The following SAMSN1 variants were observed in gnomAD, a reference collection of about 807,000 sequenced individuals.
The protein encoded by SAMSN1 is SAM domain-containing protein SAMSN-1.
Under a neutral mutation model 42.0 loss-of-function variants are expected in SAMSN1, and 31 were observed. That is an observed-to-expected ratio of 0.74 (90% CI 0.55 to 1.00). The LOEUF is 1.00. SAMSN1 is among the 50% of genes least tolerant of loss of function. SAMSN1 has a pLI of 0.00. For missense variants in SAMSN1, 464 were observed against 439.4 expected (o/e 1.06, Z -0.50); for synonymous variants, 178 against 151.9 (o/e 1.17, Z -1.26).
At chr21:14,585,931 A>G (rs540222777), upstream of SAMSN1, among the ~76,000 whole-genome samples, 16 of 152,268 alleles carry the variant, frequency 1.1e-4, no homozygotes, top group Middle Eastern at 6.8e-3. Context: ...TAAAAGGTAT[A>G]GAATCATTAC....
intron 1 of SAMSN1, among the ~76,000 whole-genome samples, chr21:14,652,510 C>T (rs1456249742): frequency 2.6e-5 from 4 of 151,958 alleles, no homozygotes; most frequent in Non-Finnish European, 5.9e-5. Flanking sequence ...AAATTAGGCC[C>T]CCATCTATCA....
At chr21:14,623,755 T>C (rs1223208280) in intron 2 of SAMSN1, among the ~76,000 whole-genome samples, 1 of 152,162 alleles carries the variant, frequency 6.6e-6, no homozygotes, top group African/African-American at 2.4e-5. Flanking sequence ...GGAATTGAAC[T>C]CAGCTCTGCA....
intron 7 of SAMSN1, chr21:14,591,435 C>T (rs1329048801): frequency 6.6e-6 from 1 of 152,136 alleles, no homozygotes; most frequent in Non-Finnish European, 1.5e-5. Context: ...GAAAAATAGT[C>T]ATCTGTTTCT....
At chr21:14,498,620 TAGTC>T in intron 6 of SAMSN1, 28 bp from the exon 7 acceptor site, 1 of 1,517,904 alleles carries the variant, frequency 6.6e-7, no homozygotes, top group Non-Finnish European at 8.8e-7. Context: ...TAAAGCAAAT[TAGTC>T]AGATTCAAAT....
At chr21:14,528,297 C>T (rs1979011654) in intron 1 of SAMSN1, among the ~76,000 whole-genome samples, 2 of 152,018 alleles carry the variant, frequency 1.3e-5, no homozygotes, top group Non-Finnish European at 1.5e-5. Flanking sequence ...AAATAAGTAC[C>T]ACTAAAATAA....
intron 2 of SAMSN1, among the ~76,000 whole-genome samples, chr21:14,553,160 C>A (rs892670645): frequency 6.6e-6 from 1 of 151,786 alleles, no homozygotes; most frequent in African/African-American, 2.4e-5. Flanking sequence ...GGATTTTGTA[C>A]TCTTCTTACT....
intron 2 of SAMSN1, among the ~76,000 whole-genome samples, chr21:14,574,489 G>A (rs1015048239): frequency 6.6e-6 from 1 of 152,152 alleles, no homozygotes; most frequent in East Asian, 1.9e-4. Flanking sequence ...TCATGAAGAA[G>A]AGGGATTCTT....
intron 2 of SAMSN1, among the ~76,000 whole-genome samples, chr21:14,641,462 C>G (rs1196792512): frequency 4.6e-5 from 7 of 152,156 alleles, no homozygotes; most frequent in Admixed American, 4.6e-4. Context: ...GTTACCCTTT[C>G]TCTAAAGCAC....
intron 2 of SAMSN1, among the ~76,000 whole-genome samples, chr21:14,635,581 T>C (rs989101934): frequency 4.6e-5 from 7 of 152,156 alleles, no homozygotes; most frequent in Admixed American, 4.6e-4. Context: ...TAAAAATCAA[T>C]ACTTTTAGAT....
At chr21:14,600,083 C>G (rs1982388456) in intron 6 of SAMSN1, among the ~76,000 whole-genome samples, 1 of 152,098 alleles carries the variant, frequency 6.6e-6, no homozygotes, top group African/African-American at 2.4e-5. Flanking sequence ...GAGGCTGATA[C>G]AGACAGTTCT....
intron 2 of SAMSN1, among the ~76,000 whole-genome samples, chr21:14,627,560 C>T (rs1280157261): frequency 6.6e-6 from 1 of 152,138 alleles, no homozygotes; most frequent in Non-Finnish European, 1.5e-5. Context: ...GTTAGGAAGA[C>T]TATTCTCACA....
intron 3 of SAMSN1, among the ~76,000 whole-genome samples, chr21:14,615,564 C>A (rs1982813671): frequency 6.6e-6 from 1 of 152,136 alleles, no homozygotes; most frequent in Non-Finnish European, 1.5e-5. Flanking sequence ...TGTCCTCTGG[C>A]AGCTGGATGT....
chr21:14,537,536 G>A (rs190181166), intron 1 of SAMSN1, among the ~76,000 whole-genome samples: 12 of 152,166 alleles, frequency 7.9e-5, no homozygotes, highest in East Asian at 3.9e-4. Flanking sequence ...CATTTGTTGC[G>A]TTGAAGGATA....
chr21:14,583,876 A>C, upstream of SAMSN1: 1 of 601,454 alleles, frequency 1.7e-6, no homozygotes, highest in Non-Finnish European at 3.0e-6. Context: ...TAATAATGTG[A>C]CCTTAAAACC....
chr21:14,627,248 C>G (rs185689970), intron 2 of SAMSN1, among the ~76,000 whole-genome samples: 2 of 146,368 alleles, frequency 1.4e-5, no homozygotes, highest in East Asian at 4.1e-4. Context: ...GCACGTTGTG[C>G]ACATGTACCC....
At chr21:14,617,845 G>A (rs923892579) in intron 2 of SAMSN1, among the ~76,000 whole-genome samples, 1 of 152,138 alleles carries the variant, frequency 6.6e-6, no homozygotes, top group Non-Finnish European at 1.5e-5. Context: ...ATATGCAATC[G>A]AGCAAGAGAG....
At chr21:14,530,173 C>T (rs919759576) in intron 1 of SAMSN1, among the ~76,000 whole-genome samples, 7 of 151,836 alleles carry the variant, frequency 4.6e-5, no homozygotes, top group South Asian at 4.2e-4. Flanking sequence ...AAAAATTAGC[C>T]GGGCGTGGTG....
At chr21:14,566,736 C>T (rs976705051) in intron 2 of SAMSN1, among the ~76,000 whole-genome samples, 3 of 152,202 alleles carry the variant, frequency 2.0e-5, no homozygotes, top group East Asian at 3.9e-4. Context: ...TGGGATTTCA[C>T]CATGTTGGCC....
At chr21:14,566,659 T>G (rs1981129354) in intron 2 of SAMSN1, among the ~76,000 whole-genome samples, 1 of 152,128 alleles carries the variant, frequency 6.6e-6, no homozygotes, top group Admixed American at 6.6e-5. Context: ...TGCCTCAGCC[T>G]CTCAAGTAGC....
Sources: allele counts gnomAD v4.1 joint callset (sites outside exome capture counted in the v4.1 genomes callset), GRCh38; gene constraint gnomAD v4.1.1; transcripts MANE v1.5; gene names NCBI Gene and HGNC (gene_info 2026-07-23, HGNC 2026-07-21).